The following OSBPL1A variants were observed in gnomAD, a reference collection of about 807,000 sequenced individuals.
The protein encoded by OSBPL1A is oxysterol binding protein like 1A, also known as oxysterol-binding protein-related protein 1.
Under a neutral mutation model 137.1 loss-of-function variants are expected in OSBPL1A, and 80 were observed. That is an observed-to-expected ratio of 0.58 (90% CI 0.49 to 0.70). The LOEUF is 0.70. OSBPL1A is among the 30% of genes least tolerant of loss of function. The pLI, the probability that OSBPL1A is intolerant of heterozygous loss-of-function variation, is 0.00. For synonymous variants in OSBPL1A, 365 were observed against 389.7 expected, an observed-to-expected ratio of 0.94 and a Z score of 0.75; for missense variants, 970 against 1,129.4, an observed-to-expected ratio of 0.86 and a Z score of 2.02.
chr18:24,363,391 G>C (rs557276214), intron 4 of OSBPL1A, among the ~76,000 whole-genome samples: 1 of 151,158 alleles, frequency 6.6e-6, no homozygotes, highest in African/African-American at 2.4e-5. Flanking sequence ...TCTCTCTGAC[G>C]AATCTCTCAT....
chr18:24,290,548 C>T (rs2090157331), intron 14 of OSBPL1A, among the ~76,000 whole-genome samples: 1 of 152,042 alleles, frequency 6.6e-6, no homozygotes, highest in South Asian at 2.1e-4. Context: ...CCAGACGTGG[C>T]AGTGTGTGCT....
chr18:24,357,007 A>G (rs2091547832), intron 4 of OSBPL1A: 2 of 152,234 alleles, frequency 1.3e-5, no homozygotes, highest in Admixed American at 1.3e-4. Context: ...TTGGATTCAC[A>G]TGGACAAGAG....
At position 24,241,730 on chromosome 18, in the gene OSBPL1A, G is replaced by T. The variant is rs1437020756; in HGVS notation, c.1282-2348C>A. Among the ~76,000 whole-genome samples the T allele has an allele frequency of 3.9e-5, 6 of 152,302 alleles. No homozygotes were observed. In the East Asian group the frequency reaches 1.2e-3, roughly 29 times the overall value. Reference sequence around the variant, plus strand: ...GAAGACAGTGTGGCGATTCCTCAAGGATCTAGAACCAGAAATACCATCTGA... The same window carrying T: ...GAAGACAGTGTGGCGATTCCTCAAGTATCTAGAACCAGAAATACCATCTGA... On this transcript the variant is annotated intron_variant, in intron 15 of 27. Coordinates refer to ENST00000319481, the MANE Select transcript of OSBPL1A (RefSeq NM_080597.4).
At chr18:24,209,233 A>G (rs140243587) in intron 17 of OSBPL1A, among the ~76,000 whole-genome samples, 2,294 of 152,368 alleles carry the variant, frequency 0.015, 58 homozygotes, top group African/African-American at 0.053. Context: ...CTACAAATCA[A>G]TAATACAAAG....
intron 4 of OSBPL1A, chr18:24,358,364 G>T: frequency 1.5e-6 from 1 of 661,970 alleles, no homozygotes; most frequent in Non-Finnish European, 2.7e-6. Flanking sequence ...ACAGCAGAAA[G>T]GCTGAGGCAT....
At chr18:24,335,710 C>G (rs577990661) in intron 5 of OSBPL1A, among the ~76,000 whole-genome samples, 2 of 152,224 alleles carry the variant, frequency 1.3e-5, no homozygotes, top group Admixed American at 1.3e-4. Context: ...GGTTGGGGAG[C>G]CAGGTGACTG....
intron 15 of OSBPL1A, among the ~76,000 whole-genome samples, chr18:24,251,451 C>G (rs775089457): frequency 2.0e-5 from 3 of 152,198 alleles, no homozygotes; most frequent in Non-Finnish European, 4.4e-5. Context: ...GGAAAAAGAA[C>G]AAGAGTCTCT....
At chr18:24,372,157 C>T (rs1905696558) in intron 2 of OSBPL1A, among the ~76,000 whole-genome samples, 1 of 151,882 alleles carries the variant, frequency 6.6e-6, no homozygotes, top group South Asian at 2.1e-4. Flanking sequence ...CACCTGTAAT[C>T]CCAGCTACTC....
chr18:24,199,440 C>A (rs1599479261), intron 17 of OSBPL1A, among the ~76,000 whole-genome samples: 2 of 152,154 alleles, frequency 1.3e-5, no homozygotes, highest in Admixed American at 1.3e-4. Context: ...CCCTCCACAG[C>A]ACTGATTGAC....
chr18:24,365,022 C>CAAAAAAAAA (rs1192840190), intron 4 of OSBPL1A, among the ~76,000 whole-genome samples: 1 of 29,730 alleles, frequency 3.4e-5, no homozygotes, highest in Non-Finnish European at 7.6e-5. Flanking sequence ...CAAAAAACAA[C>CAAAAAAAAA]AACAAAAAAA....
In OSBPL1A at chr18:24,253,164, T is replaced by TCG. The variant is rs1555638392; in HGVS notation, c.1282-13783_1282-13782insCG. On this transcript the variant is annotated intron_variant, in intron 15 of 27. Transcript: ENST00000319481. ...GACTAAACTCTCCAATGAAAAGACA[T>TCG]GGCGGGGGGGGGCGCTGAATGGATG... is the stretch of plus-strand genomic sequence containing the variant. Among the ~76,000 whole-genome samples, 30 of 58,060 alleles carry TCG rather than the reference T, an allele frequency of 5.2e-4. 1 individual carries two copies. The highest frequency in any genetic ancestry group is 5.2e-3 in the South Asian group (6 of 1,162). The allele number at this position is 58,060 out of a possible 152,430, so 38.1% of individuals were successfully genotyped here.
At chr18:24,297,391 T>G (rs1296283546) in intron 14 of OSBPL1A, among the ~76,000 whole-genome samples, 1 of 152,224 alleles carries the variant, frequency 6.6e-6, no homozygotes, top group African/African-American at 2.4e-5. Context: ...TCATCTTTTC[T>G]TCAGTAATCT....
intron 14 of OSBPL1A, among the ~76,000 whole-genome samples, chr18:24,286,543 G>C (rs2090069769): frequency 6.6e-6 from 1 of 152,128 alleles, no homozygotes; most frequent in South Asian, 2.1e-4. Flanking sequence ...GGGATGTTGT[G>C]AGACATAACT....
chr18:24,369,345 A>C (rs1195642854), intron 2 of OSBPL1A, among the ~76,000 whole-genome samples: 1 of 152,202 alleles, frequency 6.6e-6, no homozygotes, highest in African/African-American at 2.4e-5. Flanking sequence ...TTTAGCAAAA[A>C]AGATATTCAG....
chr18:24,349,433 G>A (rs149487390), intron 4 of OSBPL1A, among the ~76,000 whole-genome samples: 135 of 152,148 alleles, frequency 8.9e-4, no homozygotes, highest in African/African-American at 2.8e-3. Context: ...ATGAACATCC[G>A]GTCAAAAAGT....
intron 15 of OSBPL1A, among the ~76,000 whole-genome samples, chr18:24,270,286 G>T (rs2146055992): frequency 6.6e-6 from 1 of 152,248 alleles, no homozygotes. Flanking sequence ...TCTCAGTTAT[G>T]CACAATATTT....
chr18:24,327,821 T>C (rs1216861730), intron 7 of OSBPL1A, among the ~76,000 whole-genome samples: 1 of 152,058 alleles, frequency 6.6e-6, no homozygotes, highest in Middle Eastern at 3.2e-3. Context: ...AACTATAGAG[T>C]AAATATATAT....
At chr18:24,246,792 CAAAAAAAA>C (rs56268385) in intron 15 of OSBPL1A, among the ~76,000 whole-genome samples, 2 of 85,068 alleles carry the variant, frequency 2.4e-5, no homozygotes, top group South Asian at 4.6e-4. Flanking sequence ...CTCTGTCTCC[CAAAAAAAA>C]AAAAAAAAAA....
chr18:24,309,165 C>T (rs1377055239), intron 13 of OSBPL1A, among the ~76,000 whole-genome samples: 2 of 152,146 alleles, frequency 1.3e-5, no homozygotes, highest in South Asian at 2.1e-4. Flanking sequence ...TATTGGACAG[C>T]GCAGTTCTAT....
Sources: allele counts gnomAD v4.1 joint callset (sites outside exome capture counted in the v4.1 genomes callset), GRCh38; gene constraint gnomAD v4.1.1; transcripts MANE v1.5; gene names NCBI Gene and HGNC (gene_info 2026-07-23, HGNC 2026-07-21).